Variants in USP12 observed in about 807,000 individuals in gnomAD.
USP12 encodes the protein ubiquitin specific peptidase 12.
Under a neutral mutation model 45.5 loss-of-function variants are expected in USP12, and 19 were observed. That is an observed-to-expected ratio of 0.42 (90% CI 0.29 to 0.61). The LOEUF (loss-of-function observed/expected upper bound fraction) is 0.61, where lower values mean the gene tolerates loss of function less well. USP12 is among the 20% of genes least tolerant of loss of function. The pLI is 0.22. For synonymous variants in USP12, 149 were observed against 148.8 expected (o/e 1.00, Z -0.01); for missense variants, 242 against 447.7 (o/e 0.54, Z 4.15).
intron 1 of USP12, among the ~76,000 whole-genome samples, chr13:27,163,781 A>G (rs893915373): frequency 1.1e-4 from 15 of 135,182 alleles, no homozygotes; most frequent in African/African-American, 3.8e-4. Context: ...AAAAAAAAAA[A>G]AAAAGAAAAA....
At chr13:27,133,941 G>A (rs2137813565) in intron 1 of USP12, among the ~76,000 whole-genome samples, 1 of 152,298 alleles carries the variant, frequency 6.6e-6, no homozygotes, top group African/African-American at 2.4e-5. Flanking sequence ...AGACCAGCCT[G>A]GGCAACACAG....
At chr13:27,133,529 G>A (rs150860899) in intron 1 of USP12, among the ~76,000 whole-genome samples, 1 of 151,786 alleles carries the variant, frequency 6.6e-6, no homozygotes, top group Non-Finnish European at 1.5e-5. Context: ...CGGTGGGGCT[G>A]AGGTAGGAGA....
At chr13:27,123,630 G>A (rs1876098099) in intron 1 of USP12, among the ~76,000 whole-genome samples, 1 of 152,168 alleles carries the variant, frequency 6.6e-6, no homozygotes, top group Non-Finnish European at 1.5e-5. Context: ...TTGTGATAGT[G>A]AATAAGTCTC....
chr13:27,136,716 A>C (rs1294955408), intron 1 of USP12, among the ~76,000 whole-genome samples: 3 of 152,216 alleles, frequency 2.0e-5, no homozygotes, highest in African/African-American at 7.2e-5. Context: ...CACTAGGCTA[A>C]AACTTGATAT....
chr13:27,141,622 T>C (rs1350547913), intron 1 of USP12, among the ~76,000 whole-genome samples: 3 of 152,062 alleles, frequency 2.0e-5, no homozygotes, highest in Non-Finnish European at 4.4e-5. Context: ...TCAAAATCAA[T>C]AATAATAATG....
intron 1 of USP12, among the ~76,000 whole-genome samples, chr13:27,164,830 T>C (rs1198156595): frequency 3.9e-5 from 6 of 152,108 alleles, no homozygotes; most frequent in Non-Finnish European, 8.8e-5. Flanking sequence ...GACTAGGAGA[T>C]TGGGACTGTA....
chr13:27,083,845 C>A (rs1873874415), intron 6 of USP12, among the ~76,000 whole-genome samples: 1 of 148,502 alleles, frequency 6.7e-6, no homozygotes, highest in East Asian at 1.9e-4. Flanking sequence ...TCGGGATGAA[C>A]CTTTTTGGGA....
At chr13:27,126,689 GATTTGTAGCACCT>G (rs1192456784) in intron 1 of USP12, among the ~76,000 whole-genome samples, 1 of 152,134 alleles carries the variant, frequency 6.6e-6, no homozygotes, top group African/African-American at 2.4e-5. Flanking sequence ...CAGGAGACCA[GATTTGTAGCACCT>G]ATTGCAAACC....
At chr13:27,114,795 G>C (rs1875640500) in intron 2 of USP12, among the ~76,000 whole-genome samples, 1 of 150,682 alleles carries the variant, frequency 6.6e-6, no homozygotes, top group Non-Finnish European at 1.5e-5. Context: ...ACAAACTTGA[G>C]CAATATAGCA....
chr13:27,132,059 T>C (rs949912986), intron 1 of USP12, among the ~76,000 whole-genome samples: 3 of 152,208 alleles, frequency 2.0e-5, no homozygotes, highest in East Asian at 1.9e-4. Context: ...CCAATTCTCA[T>C]ATAGCACGTA....
At chr13:27,159,858 T>C (rs1176276225) in intron 1 of USP12, among the ~76,000 whole-genome samples, 3 of 152,186 alleles carry the variant, frequency 2.0e-5, no homozygotes, top group Admixed American at 6.5e-5. Flanking sequence ...GGTAGGCTAT[T>C]AGCACTGAAA....
At chr13:27,097,613 A>G (rs1565988442) in intron 3 of USP12, among the ~76,000 whole-genome samples, 1 of 152,188 alleles carries the variant, frequency 6.6e-6, no homozygotes. Context: ...TTCTACTTCT[A>G]ACTGCACGCG....
At chr13:27,083,845 C>T (rs1873874415) in intron 6 of USP12, among the ~76,000 whole-genome samples, 1 of 148,502 alleles carries the variant, frequency 6.7e-6, no homozygotes, top group African/African-American at 2.6e-5. Flanking sequence ...TCGGGATGAA[C>T]CTTTTTGGGA....
chr13:27,158,262 T>C (rs773742823), intron 1 of USP12, among the ~76,000 whole-genome samples: 2 of 152,012 alleles, frequency 1.3e-5, no homozygotes, highest in Admixed American at 6.6e-5. Flanking sequence ...TGTGAAAAGA[T>C]TGGAATGATG....
At chr13:27,165,023 C>T (rs964036864) in intron 1 of USP12, among the ~76,000 whole-genome samples, 9 of 148,530 alleles carry the variant, frequency 6.1e-5, no homozygotes, top group Non-Finnish European at 1.3e-4. Flanking sequence ...AATGCACACA[C>T]CTTGTTCTAG....
intron 6 of USP12, among the ~76,000 whole-genome samples, chr13:27,075,892 T>C (rs939130777): frequency 6.6e-6 from 1 of 151,900 alleles, no homozygotes; most frequent in Non-Finnish European, 1.5e-5. Context: ...TAGCCGGGCA[T>C]AGTGGCAGGC....
intron 1 of USP12, among the ~76,000 whole-genome samples, chr13:27,141,012 C>CT (rs11455614): frequency 0.015 from 1,824 of 122,500 alleles, 37 homozygotes; most frequent in Admixed American, 0.027. Flanking sequence ...TGTGAAGTCA[C>CT]TTTTTTTTTT....
At chr13:27,120,765 T>C (rs1244456790) in intron 1 of USP12, among the ~76,000 whole-genome samples, 1 of 152,202 alleles carries the variant, frequency 6.6e-6, no homozygotes, top group African/African-American at 2.4e-5. Context: ...GGCAAAAGAT[T>C]AGACTTAGTA....
chr13:27,114,054 C>CT lies in USP12; in HGVS notation c.129+2461dup, dbSNP rs1443438271. 6.6e-5 allele frequency among the ~76,000 whole-genome samples: 10 copies of CT among 152,156 alleles called. No homozygotes were observed. The South Asian group carries it at 1.7e-3, about 25-fold the overall frequency. ...AAGATTCTGAAGGGAAAGCACATTT[C>CT]TTTTTTTGTTATTTTTAAAACAAAC... On this transcript the variant is annotated intron_variant, in intron 2 of 8. Coordinates refer to ENST00000282344, the MANE Select transcript of USP12 (RefSeq NM_182488.4).
Sources: gnomAD v4.1 joint callset for allele counts (sites outside exome capture counted in the v4.1 genomes callset) on GRCh38, gnomAD v4.1.1 for gene constraint, MANE v1.5 for transcripts, NCBI Gene and HGNC (gene_info 2026-07-23, HGNC 2026-07-21) for gene names.